Variants in SH3GL1 observed in about 807,000 individuals in gnomAD.
The protein encoded by SH3GL1 is SH3 domain containing GRB2 like 1, endophilin A2.
In SH3GL1, 21 loss-of-function variants were observed where a neutral mutation model predicts 48.8. That is an observed-to-expected ratio of 0.43 (90% CI 0.30 to 0.62). The LOEUF is 0.62. SH3GL1 is among the 20% of genes least tolerant of loss of function. The pLI, the probability that SH3GL1 is intolerant of heterozygous loss-of-function variation, is 0.11. For synonymous variants in SH3GL1, 282 were observed against 217.5 expected (o/e 1.30, Z -2.61); for missense variants, 454 against 503.0 (o/e 0.90, Z 0.93).
chr19:4,365,681 G>A, intron 3 of SH3GL1, 56 bp from the exon 4 acceptor site: 2 of 1,607,084 alleles, frequency 1.2e-6, no homozygotes, highest in Non-Finnish European at 1.7e-6. Context: ...CCTCTGCCCT[G>A]GCAGACTGCA....
intron 4 of SH3GL1, 49 bp from the exon 5 acceptor site, chr19:4,364,270 A>C: frequency 1.2e-6 from 2 of 1,609,848 alleles, no homozygotes; most frequent in East Asian, 2.2e-5. Flanking sequence ...TGGGACCACT[A>C]GACTGAGACA....
At position 4,365,639 on chromosome 19, in the gene SH3GL1, GC is replaced by G. The variant is rs749821816; in HGVS notation, c.188-15del. On this transcript the variant is annotated splice_polypyrimidine_tract_variant and intron_variant, in intron 3 of 9. Coordinates refer to ENST00000269886, the MANE Select transcript of SH3GL1 (RefSeq NM_003025.4). ...TAGCCCGCGAGGCTGGGATAGGATG[GC>G]CAGGTGGGTGTGGGCTGTGAGGCCT... The G allele has an allele frequency of 1.9e-6, 3 of 1,613,450 alleles. No individual in the cohort carries two copies. In the South Asian group the frequency reaches 3.3e-5, roughly 18 times the overall value.
rs551443690 is a variant in SH3GL1 at position 4,376,801 on chromosome 19, T to C, written c.46-9807A>G. Among the ~76,000 whole-genome samples the C allele has an allele frequency of 6.6e-6, 1 of 152,132 alleles. No individual in the cohort carries two copies. Among genetic ancestry groups the C allele is most frequent in the Admixed American group, 6.5e-5 (1 of 15,282 alleles). ...CCTGCTATCCTCACGGGGCCTCGCATTCCTCTTGCTTGCTTGTTTTCGGGT... is the reference window on the plus strand; with the variant it reads ...CCTGCTATCCTCACGGGGCCTCGCACTCCTCTTGCTTGCTTGTTTTCGGGT... On this transcript the variant is annotated intron_variant, in intron 1 of 9. Transcript: ENST00000269886. This position sits in a 1 kb window ranked among gnomAD's most constrained non-coding sequence, Gnocchi z 4.3.
rs749316862 is a variant in SH3GL1 at position 4,362,371 on chromosome 19, G to T, written c.868C>A (p.Arg290=). 1 of 1,611,924 alleles carries T rather than the reference G, an allele frequency of 6.2e-7. No individual in the cohort carries two copies. The highest frequency in any genetic ancestry group is 1.3e-5 in the African/African-American group (1 of 75,032). The change falls in exon 9 of 10, where the codon CGA becomes AGA. Residue 290 remains arginine (R), a synonymous_variant. Coordinates refer to ENST00000269886, the MANE Select transcript of SH3GL1 (RefSeq NM_003025.4). ...APKIAASSSF[R]SSDKPIRTPS... ...GTCCGGATGGGCTTGTCGGAAGATC[G>T]GAAAGACGATGAAGCTAAACACAAG... is the stretch of plus-strand genomic sequence containing the variant.
chr19:4,369,992 T>C (rs1972863963), intron 1 of SH3GL1, among the ~76,000 whole-genome samples: 1 of 152,176 alleles, frequency 6.6e-6, no homozygotes, highest in African/African-American at 2.4e-5. Flanking sequence ...AAACCAAGCG[T>C]GGGCTCCTGC....
chr19:4,383,313 C>G (rs1018302048), intron 1 of SH3GL1, among the ~76,000 whole-genome samples: 12 of 151,920 alleles, frequency 7.9e-5, no homozygotes, highest in Admixed American at 7.9e-4. Context: ...TTCCCAAGCT[C>G]AATCAATCCT....
chr19:4,371,346 C>G (rs912056621), intron 1 of SH3GL1, among the ~76,000 whole-genome samples: 2 of 152,260 alleles, frequency 1.3e-5, no homozygotes, highest in South Asian at 4.1e-4. Flanking sequence ...TGCCCTGTGC[C>G]CGGCAGGCAC....
Position 4,361,428 on chromosome 19 carries a change from C to G in SH3GL1, c.*172G>C, listed in dbSNP as rs554343898. ...GGCATCCCCACCCACCCAGATAAGC[C>G]CCCCCACCCAAGTGTGGGGTCCTGC... On this transcript the variant is annotated 3_prime_UTR_variant, in exon 10 of 10. Transcript: ENST00000269886. 1.7e-5 allele frequency: 10 copies of G among 597,872 alleles called. No homozygotes were observed. Among genetic ancestry groups the G allele is most frequent in the Non-Finnish European group, 3.0e-5 (10 of 337,726 alleles). The allele number at this position is 597,872 out of a possible 1,614,324, so 37.0% of individuals were successfully genotyped here. A position where few individuals can be genotyped will look rare whatever the true frequency, so the allele number is the denominator to read the frequency against.
intron 1 of SH3GL1, among the ~76,000 whole-genome samples, chr19:4,393,177 C>CTTCA: frequency 6.6e-6 from 1 of 152,050 alleles, no homozygotes; most frequent in African/African-American, 2.4e-5. Flanking sequence ...AGGAGAATTG[C>CTTCA]TTGAACCCAG....
intron 2 of SH3GL1, 86 bp downstream of exon 2, chr19:4,366,840 T>C: frequency 1.2e-5 from 17 of 1,367,824 alleles, no homozygotes; most frequent in Non-Finnish European, 1.7e-5. Context: ...CCCAGGCCCA[T>C]CAAGGTTGGC....
chr19:4,386,906 C>G lies in SH3GL1; in HGVS notation c.45+13418G>C, dbSNP rs547134862. Among the ~76,000 whole-genome samples the G allele has an allele frequency of 1.2e-3, 176 of 152,322 alleles. 1 individual carries two copies. Among genetic ancestry groups the G allele is most frequent in the African/African-American group, 3.9e-3 (161 of 41,572 alleles). ...AGGCACGTGAATCACGTGGTCAGAACACAACTCCGCTGCAATTCCCCTTCT... is the reference window on the plus strand; with the variant it reads ...AGGCACGTGAATCACGTGGTCAGAAGACAACTCCGCTGCAATTCCCCTTCT... On this transcript the variant is annotated intron_variant, in intron 1 of 9. Coordinates refer to ENST00000269886, the MANE Select transcript of SH3GL1 (RefSeq NM_003025.4).
rs1266617803 is a variant in SH3GL1, at chr19:4,363,303, GC to G, written c.728+66del. 8 of 1,212,606 alleles carry G rather than the reference GC, an allele frequency of 6.6e-6. No individual in the cohort carries two copies. The East Asian group carries it at 1.8e-4, about 27-fold the overall frequency. The allele number at this position is 1,212,606 out of a possible 1,614,324, so 75.1% of individuals were successfully genotyped here. A position where few individuals can be genotyped will look rare whatever the true frequency, so the allele number is the denominator to read the frequency against. Reference sequence around the variant, plus strand: ...TGCTCACCCCACAGCGAGGTGTGCTGCCCACTTGCGCTGGCAGAGGGCGCAT... The same window carrying G: ...TGCTCACCCCACAGCGAGGTGTGCTGCCACTTGCGCTGGCAGAGGGCGCAT... On this transcript the variant is annotated intron_variant, in intron 7 of 9. Transcript: ENST00000269886.
At chr19:4,392,214 G>A (rs1973349989) in intron 1 of SH3GL1, among the ~76,000 whole-genome samples, 1 of 152,166 alleles carries the variant, frequency 6.6e-6, no homozygotes, top group Admixed American at 6.5e-5. Flanking sequence ...CAAGGTGAAG[G>A]GGTTATGAAC....
At chr19:4,373,235 C>G (rs1426071167) in intron 1 of SH3GL1, among the ~76,000 whole-genome samples, 1 of 152,198 alleles carries the variant, frequency 6.6e-6, no homozygotes, top group Non-Finnish European at 1.5e-5. Flanking sequence ...CACTCCCCAG[C>G]CCAAGGGAAG....
chr19:4,362,394 A>G lies in SH3GL1; in HGVS notation c.854-9T>C, dbSNP rs1185478329. ...TCGGAAAGACGATGAAGCTAAACAC[A>G]AGCAAAACGAGGAGGCTGTGGGCTC... On this transcript the variant is annotated splice_polypyrimidine_tract_variant and intron_variant, in intron 8 of 9. Coordinates refer to ENST00000269886, the MANE Select transcript of SH3GL1 (RefSeq NM_003025.4). The G allele has an allele frequency of 6.2e-7, 1 of 1,609,124 alleles. No individual in the cohort carries two copies. The highest frequency in any genetic ancestry group is 8.5e-7 in the Non-Finnish European group (1 of 1,177,472).
intron 1 of SH3GL1, among the ~76,000 whole-genome samples, chr19:4,383,785 C>T (rs900114266): frequency 1.3e-5 from 2 of 152,114 alleles, no homozygotes; most frequent in South Asian, 2.1e-4. Context: ...AAATCCATGC[C>T]GGAACACAGC....
intron 1 of SH3GL1, among the ~76,000 whole-genome samples, chr19:4,391,455 C>T (rs1973336014): frequency 6.6e-6 from 1 of 152,192 alleles, no homozygotes; most frequent in Non-Finnish European, 1.5e-5. Context: ...CTTTGGTGAA[C>T]ACGGGATTCT....
Position 4,367,917 on chromosome 19 carries a change from C to T in SH3GL1, c.46-923G>A, listed in dbSNP as rs377168972. On this transcript the variant is annotated intron_variant, in intron 1 of 9. Coordinates refer to ENST00000269886, the MANE Select transcript of SH3GL1 (RefSeq NM_003025.4). This position sits in a 1 kb window ranked among gnomAD's most constrained non-coding sequence, Gnocchi z 4.2. ...AGGATGGACAGTGTGAGGCCCTTCC[C>T]AGCACACAGCGCTTCATGAAGAGCC... 1.9e-4 allele frequency among the ~76,000 whole-genome samples: 29 copies of T among 152,200 alleles called. No individual in the cohort carries two copies. In the East Asian group the frequency reaches 4.3e-3, roughly 22 times the overall value.
intron 1 of SH3GL1, among the ~76,000 whole-genome samples, chr19:4,388,155 G>T (rs377668456): frequency 6.6e-6 from 1 of 152,108 alleles, no homozygotes; most frequent in African/African-American, 2.4e-5. Flanking sequence ...CATCGTGTCC[G>T]GCCTATTCCA....
Sources: gnomAD v4.1 joint callset for allele counts (sites outside exome capture counted in the v4.1 genomes callset) on GRCh38, gnomAD v4.1.1 for gene constraint, Gnocchi (gnomAD v3.1) non-coding constraint, MANE v1.5 for transcripts, NCBI Gene and HGNC (gene_info 2026-07-23, HGNC 2026-07-21) for gene names.